PCDHGB3: variants seen among roughly 807,000 people sequenced by gnomAD.
PCDHGB3 encodes protocadherin gamma subfamily B, 3, also known as protocadherin gamma-B3.
In PCDHGB3, 40 loss-of-function variants were observed where a neutral mutation model predicts 59.2. The observed-to-expected ratio is 0.68, with a 90% confidence interval of 0.52 to 0.88. The LOEUF (loss-of-function observed/expected upper bound fraction) is 0.88. PCDHGB3 is among the 40% of genes least tolerant of loss of function. The pLI, the probability that PCDHGB3 is intolerant of heterozygous loss-of-function variation, is 0.00. For missense variants in PCDHGB3, 1,309 were observed against 1,187.9 expected, an observed-to-expected ratio of 1.10 and a Z score of -1.50; for synonymous variants, 581 against 503.6, an observed-to-expected ratio of 1.15 and a Z score of -2.06.
At chr5:141,427,732 G>T in intron 1 of PCDHGB3, 1 of 1,190,370 alleles carries the variant, frequency 8.4e-7, no homozygotes, top group Non-Finnish European at 1.2e-6. Context: ...GGGCTGAATG[G>T]CCAAGTCTCC....
chr5:141,507,570 G>A (rs562674847), intron 3 of PCDHGB3, among the ~76,000 whole-genome samples: 1 of 152,366 alleles, frequency 6.6e-6, no homozygotes, highest in South Asian at 2.1e-4. Flanking sequence ...CTGGGTCTGA[G>A]GAGATGCCAA....
chr5:141,385,404 G>C, intron 1 of PCDHGB3: 1 of 1,482,648 alleles, frequency 6.7e-7, no homozygotes, highest in Non-Finnish European at 8.9e-7. Context: ...CAAATGTTTT[G>C]AAAATAGGGA....
chr5:141,395,489 A>C (rs1268928793), intron 1 of PCDHGB3: 1 of 480,438 alleles, frequency 2.1e-6, no homozygotes, highest in Non-Finnish European at 3.6e-6. Flanking sequence ...TCCTATTATC[A>C]CTCATTCACT....
chr5:141,509,143 C>G (rs1022878562), intron 3 of PCDHGB3, among the ~76,000 whole-genome samples: 1 of 152,256 alleles, frequency 6.6e-6, no homozygotes, highest in African/African-American at 2.4e-5. Context: ...AGGCGCATCC[C>G]GGCTCTCCCC....
rs776258973 is a variant in PCDHGB3, at chr5:141,489,877, A to G, written c.2416-4930A>G. 1.2e-6 allele frequency: 2 copies of G among 1,614,230 alleles called. No individual in the cohort carries two copies. The highest frequency in any genetic ancestry group is 2.2e-5 in the South Asian group (2 of 91,090). Reference sequence around the variant, plus strand: ...CCAGGCAAGACATCAGCTGGTGCTTACTGCTGTGGATGGGGGGACCCCAGC... The same window carrying G: ...CCAGGCAAGACATCAGCTGGTGCTTGCTGCTGTGGATGGGGGGACCCCAGC... On this transcript the variant is annotated intron_variant, in intron 1 of 3. Coordinates refer to ENST00000576222, the MANE Select transcript of PCDHGB3 (RefSeq NM_018924.5). This position sits in a 1 kb window ranked among gnomAD's most constrained non-coding sequence, Gnocchi z 4.5.
At chr5:141,410,847 G>GTT (rs773839667) in intron 1 of PCDHGB3, 4 of 158,332 alleles carry the variant, frequency 2.5e-5, no homozygotes, top group South Asian at 1.1e-4. Flanking sequence ...TTTTGTCTTT[G>GTT]TCTTTTTTTT....
intron 1 of PCDHGB3, chr5:141,417,801 G>A (rs368563336): frequency 1.3e-6 from 2 of 1,490,494 alleles, no homozygotes; most frequent in South Asian, 1.4e-5. Context: ...CTTTTAGCGC[G>A]GTAGAGTGCA....
rs1032445242 is a variant in PCDHGB3 at position 141,487,571 on chromosome 5, G to C, written c.2416-7236G>C. The C allele has an allele frequency of 6.2e-7, 1 of 1,614,060 alleles. No homozygotes were observed. The highest frequency in any genetic ancestry group is 8.5e-7 in the Non-Finnish European group (1 of 1,180,046). ...CAGTGCACCTATGGCAGGGGAGCCTGTTCGCCCAAGCTGCCCACCCTCTGA... is the reference window on the plus strand; with the variant it reads ...CAGTGCACCTATGGCAGGGGAGCCTCTTCGCCCAAGCTGCCCACCCTCTGA... On this transcript the variant is annotated intron_variant, in intron 1 of 3. Transcript: ENST00000576222. This position sits in a 1 kb window ranked among gnomAD's most constrained non-coding sequence, Gnocchi z 5.0.
intron 1 of PCDHGB3, chr5:141,426,612 G>A (rs2096947310): frequency 2.6e-6 from 1 of 384,602 alleles, no homozygotes; most frequent in Non-Finnish European, 5.3e-6. Flanking sequence ...GATTGTAGCA[G>A]AGAATCCTCT....
chr5:141,414,227 T>C (rs771676386), intron 1 of PCDHGB3: 2 of 1,613,430 alleles, frequency 1.2e-6, no homozygotes, highest in Non-Finnish European at 1.7e-6. Flanking sequence ...AGTCCAGAGC[T>C]GACCATCACG....
chr5:141,499,689 CTTTTTTTTTTTT>C (rs545067566), intron 2 of PCDHGB3, among the ~76,000 whole-genome samples: 1 of 119,856 alleles, frequency 8.3e-6, no homozygotes, highest in Non-Finnish European at 1.7e-5. Flanking sequence ...TAACAGATGA[CTTTTTTTTTTTT>C]TTTTTTTTTT....
chr5:141,491,712 G>A lies in PCDHGB3; in HGVS notation c.2416-3095G>A, dbSNP rs932849130. On this transcript the variant is annotated intron_variant, in intron 1 of 3. Coordinates refer to ENST00000576222, the MANE Select transcript of PCDHGB3 (RefSeq NM_018924.5). The surrounding 1 kb of genome is among the most constrained non-coding windows in gnomAD (Gnocchi z 6.9). Reference sequence around the variant, plus strand: ...GGGAGCGGAGCCAGGTGAGGGGCTCGGCGCCGCCCCGGGCGACCCCTGGGG... The same window carrying A: ...GGGAGCGGAGCCAGGTGAGGGGCTCAGCGCCGCCCCGGGCGACCCCTGGGG... The A allele has an allele frequency of 1.2e-6, 2 of 1,609,290 alleles. No homozygotes were observed. Among genetic ancestry groups the A allele is most frequent in the East Asian group, 2.2e-5 (1 of 44,760 alleles).
chr5:141,472,751 G>A (rs1000022316), intron 1 of PCDHGB3, among the ~76,000 whole-genome samples: 5 of 151,850 alleles, frequency 3.3e-5, no homozygotes, highest in East Asian at 3.9e-4. Flanking sequence ...TTTGGGAGGC[G>A]GAGGCTGGCA....
At chr5:141,481,638 T>G (rs1465682432) in intron 1 of PCDHGB3, among the ~76,000 whole-genome samples, 1 of 152,014 alleles carries the variant, frequency 6.6e-6, no homozygotes, top group Admixed American at 6.6e-5. Context: ...GCCAACATGG[T>G]GAAACTTCAT....
chr5:141,494,781 C>T, intron 1 of PCDHGB3, 26 bp from the exon 2 acceptor site: 1 of 1,614,074 alleles, frequency 6.2e-7, no homozygotes, highest in African/African-American at 1.3e-5. Flanking sequence ...GGGTACTCAG[C>T]CCCTTTCCCT....
intron 1 of PCDHGB3, chr5:141,419,935 G>T: frequency 6.2e-7 from 1 of 1,614,070 alleles, no homozygotes; most frequent in Non-Finnish European, 8.5e-7. Flanking sequence ...AGTTTTACCT[G>T]GTGGTGGCCT....
At chr5:141,393,404 G>A (rs1159260916) in intron 1 of PCDHGB3, 1 of 1,614,024 alleles carries the variant, frequency 6.2e-7, no homozygotes, top group Non-Finnish European at 8.5e-7. Context: ...TGGTGCTGGA[G>A]CGCGCCCTGG....
At position 141,489,397 on chromosome 5, in the gene PCDHGB3, G is replaced by A. The variant is rs1307106048; in HGVS notation, c.2416-5410G>A. 2.5e-6 allele frequency: 4 copies of A among 1,614,058 alleles called. No homozygotes were observed. The highest frequency in any genetic ancestry group is 2.7e-5 in the African/African-American group (2 of 74,914). ...GGTGGGGAATGTTGCTCAGGATCTG[G>A]GCTTAAAGATGACAGATCTGTTGAG... On this transcript the variant is annotated intron_variant, in intron 1 of 3. Transcript: ENST00000576222. This position sits in a 1 kb window ranked among gnomAD's most constrained non-coding sequence, Gnocchi z 4.5.
chr5:141,509,550 T>C (rs1562240751), intron 3 of PCDHGB3, among the ~76,000 whole-genome samples: 1 of 152,142 alleles, frequency 6.6e-6, no homozygotes, highest in Non-Finnish European at 1.5e-5. Flanking sequence ...TCTCATTTAG[T>C]CCTCACAGCA....
Sources: gnomAD v4.1 joint callset for allele counts (sites outside exome capture counted in the v4.1 genomes callset) on GRCh38, gnomAD v4.1.1 for gene constraint, Gnocchi (gnomAD v3.1) non-coding constraint, MANE v1.5 for transcripts, NCBI Gene and HGNC (gene_info 2026-07-23, HGNC 2026-07-21) for gene names.